EEFSEC: variants seen among roughly 807,000 people sequenced by gnomAD.
The protein encoded by EEFSEC is eukaryotic elongation factor, selenocysteine-tRNA specific.
EEFSEC carries 43 observed loss-of-function variants against 42.1 expected under a neutral mutation model. The observed-to-expected ratio is 1.02, with a 90% CI of 0.80 to 1.32. EEFSEC has a LOEUF of 1.32. EEFSEC is among the 40% of genes most tolerant of loss of function. The pLI is 0.00. For synonymous variants in EEFSEC, 354 were observed against 339.1 expected, an observed-to-expected ratio of 1.04 and a Z score of -0.48; for missense variants, 745 against 803.6, an observed-to-expected ratio of 0.93 and a Z score of 0.88.
At chr3:128,155,363 G>A (rs1041456656) in intron 1 of EEFSEC, among the ~76,000 whole-genome samples, 1 of 151,956 alleles carries the variant, frequency 6.6e-6, no homozygotes, top group Non-Finnish European at 1.5e-5. Flanking sequence ...CCCATGCCTC[G>A]GCCTCCCAAA....
At chr3:128,368,530 A>T (rs1036899159) in intron 6 of EEFSEC, among the ~76,000 whole-genome samples, 1 of 152,208 alleles carries the variant, frequency 6.6e-6, no homozygotes, top group Admixed American at 6.5e-5. Context: ...AGGAGTTTTA[A>T]AAAACAATAA....
At chr3:128,182,312 CAAA>C (rs34027926) in intron 1 of EEFSEC, among the ~76,000 whole-genome samples, 5 of 109,036 alleles carry the variant, frequency 4.6e-5, no homozygotes, top group Admixed American at 9.7e-5. Context: ...AGTAACTATC[CAAA>C]AAAAAAAAAA....
At chr3:128,203,851 A>G (rs527731390) in intron 1 of EEFSEC, among the ~76,000 whole-genome samples, 56 of 152,362 alleles carry the variant, frequency 3.7e-4, no homozygotes, top group Non-Finnish European at 4.4e-4. Flanking sequence ...TTGGCATTCC[A>G]TTAGATAGGA....
intron 4 of EEFSEC, among the ~76,000 whole-genome samples, chr3:128,340,425 A>G (rs1559928533): frequency 6.6e-6 from 1 of 150,898 alleles, no homozygotes; most frequent in African/African-American, 2.4e-5. Flanking sequence ...TTAATTTTAT[A>G]TTGATATGAA....
intron 4 of EEFSEC, among the ~76,000 whole-genome samples, chr3:128,314,148 C>T (rs11706826): frequency 0.17 from 26,455 of 152,020 alleles, 3,050 homozygotes; most frequent in African/African-American, 0.33. Context: ...TTGGAGAGCA[C>T]GTTAACCAAC....
At chr3:128,407,877 C>G (rs1204329664) in intron 6 of EEFSEC, among the ~76,000 whole-genome samples, 192 bp from the exon 7 acceptor site, 3 of 152,186 alleles carry the variant, frequency 2.0e-5, no homozygotes, top group Non-Finnish European at 4.4e-5. Flanking sequence ...CCAAGAGGCA[C>G]AGTGCCCTGC....
intron 6 of EEFSEC, among the ~76,000 whole-genome samples, chr3:128,394,410 G>A (rs930643497): frequency 6.6e-6 from 1 of 152,088 alleles, no homozygotes; most frequent in African/African-American, 2.4e-5. Context: ...TGCTCCCCGG[G>A]CCTTTGTTCG....
chr3:128,237,260 G>C (rs1032892205), intron 1 of EEFSEC, among the ~76,000 whole-genome samples: 6 of 152,062 alleles, frequency 3.9e-5, no homozygotes, highest in Admixed American at 3.9e-4. Context: ...GAATTTGTCA[G>C]TGTTTCCTTT....
chr3:128,353,116 A>G (rs1198946099), intron 5 of EEFSEC, among the ~76,000 whole-genome samples: 1 of 152,254 alleles, frequency 6.6e-6, no homozygotes, highest in Non-Finnish European at 1.5e-5. Context: ...TGTTATAACA[A>G]AATAACTTTG....
At chr3:128,361,556 A>G (rs1287449446) in intron 6 of EEFSEC, among the ~76,000 whole-genome samples, 2 of 152,190 alleles carry the variant, frequency 1.3e-5, no homozygotes, top group African/African-American at 2.4e-5. Context: ...ATATGCAAAC[A>G]GTATGTTTTA....
rs137868903 is a variant in EEFSEC, at chr3:128,244,971, G to T, written c.317-1865G>T. Among the ~76,000 whole-genome samples, 5 of 152,244 alleles carry T rather than the reference G, an allele frequency of 3.3e-5. No individual in the cohort carries two copies. In the East Asian group the frequency reaches 9.6e-4, roughly 29 times the overall value. On this transcript the variant is annotated intron_variant, in intron 1 of 6. Transcript: ENST00000254730. ...AGCATTATATTCTTATTTTCAACCT[G>T]TCCCCTGCTGATGGACATTTACCTA... is the stretch of plus-strand genomic sequence containing the variant.
At chr3:128,421,181 A>G in the EEFSEC span, among the ~76,000 whole-genome samples, 1 of 151,988 alleles carries the variant, frequency 6.6e-6, no homozygotes, top group South Asian at 2.1e-4. Context: ...CCAGGCCCAC[A>G]CTCTGTTGAG....
chr3:128,203,014 T>G (rs1189019801), intron 1 of EEFSEC, among the ~76,000 whole-genome samples: 2 of 152,222 alleles, frequency 1.3e-5, no homozygotes, highest in Non-Finnish European at 2.9e-5. Context: ...AAACATTACC[T>G]CAGCCTCACC....
In EEFSEC at chr3:128,187,164, G is replaced by T. The variant is rs540583758; in HGVS notation, c.316+33341G>T. 3.9e-5 allele frequency among the ~76,000 whole-genome samples: 6 copies of T among 152,328 alleles called. No individual in the cohort carries two copies. In the East Asian group the frequency reaches 1.2e-3, roughly 29 times the overall value. On this transcript the variant is annotated intron_variant, in intron 1 of 6. Transcript: ENST00000254730. ...CATCTCTGAATACTCTGCTATACAG[G>T]AGTGGGTACCCAGGGACCACATTTG... is the stretch of plus-strand genomic sequence containing the variant.
chr3:128,280,451 A>C (rs2066514143), intron 4 of EEFSEC, among the ~76,000 whole-genome samples: 1 of 152,202 alleles, frequency 6.6e-6, no homozygotes, highest in Admixed American at 6.5e-5. Flanking sequence ...TTTGGCCTGG[A>C]AAGTCCGTTC....
the EEFSEC span, among the ~76,000 whole-genome samples, chr3:128,423,282 C>T: frequency 6.6e-6 from 1 of 152,126 alleles, no homozygotes. Flanking sequence ...TCTACCCATG[C>T]AATGGAATAC....
At chr3:128,175,451 T>C (rs11712798) in intron 1 of EEFSEC, among the ~76,000 whole-genome samples, 22,293 of 151,906 alleles carry the variant, frequency 0.15, 1,906 homozygotes, top group African/African-American at 0.23. Context: ...CAGGGTGGCA[T>C]TGGAGTGAAC....
At chr3:128,260,939 C>T (rs1189081292) in intron 2 of EEFSEC, among the ~76,000 whole-genome samples, 2 of 147,396 alleles carry the variant, frequency 1.4e-5, no homozygotes, top group African/African-American at 5.0e-5. Context: ...TAGATGTGTA[C>T]CCCACGAATT....
intron 1 of EEFSEC, among the ~76,000 whole-genome samples, chr3:128,174,688 A>C (rs896781383): frequency 1.3e-5 from 2 of 152,240 alleles, no homozygotes; most frequent in Admixed American, 1.3e-4. Context: ...GAGAAAGGGA[A>C]TAATGCCTAC....
Sources: allele counts gnomAD v4.1 joint callset (sites outside exome capture counted in the v4.1 genomes callset), GRCh38; gene constraint gnomAD v4.1.1; transcripts MANE v1.5; gene names NCBI Gene and HGNC (gene_info 2026-07-23, HGNC 2026-07-21).